Variants in SLC7A8 observed in about 807,000 individuals in gnomAD.
SLC7A8 encodes the protein large neutral amino acids transporter small subunit 2.
In SLC7A8, 30 loss-of-function variants were observed where a neutral mutation model predicts 51.2. The observed-to-expected ratio is 0.59, with a 90% CI of 0.44 to 0.80. The LOEUF (loss-of-function observed/expected upper bound fraction) is 0.80, where lower values mean the gene tolerates loss of function less well. Among genes scored for constraint, SLC7A8 ranks in the 30% least tolerant of loss-of-function variants. SLC7A8 has a pLI of 0.00. For missense variants in SLC7A8, 612 were observed against 674.4 expected (o/e 0.91, Z 1.03); for synonymous variants, 257 against 275.8 (o/e 0.93, Z 0.67).
In SLC7A8 at chr14:23,128,276, T is replaced by C; in HGVS notation, c.1264-80A>G. 2.5e-6 allele frequency: 4 copies of C among 1,579,342 alleles called. No homozygotes were observed. The highest frequency in any genetic ancestry group is 3.4e-6 in the Non-Finnish European group (4 of 1,163,144). ...ACTAGGGACTGGGGCATTCTCTCTC[T>C]TCTTCACCCACAGAGACACATCCTC... On this transcript the variant is annotated intron_variant, in intron 9 of 10. Coordinates refer to ENST00000316902, the MANE Select transcript of SLC7A8 (RefSeq NM_012244.4). The surrounding 1 kb of genome is among the most constrained non-coding windows in gnomAD (Gnocchi z 4.3).
intron 3 of SLC7A8, among the ~76,000 whole-genome samples, chr14:23,150,646 A>G (rs1228776151): frequency 6.6e-6 from 1 of 152,198 alleles, no homozygotes; most frequent in African/African-American, 2.4e-5. Context: ...AAAATGTTAA[A>G]TGATTATTTT....
In SLC7A8 at chr14:23,165,954, G is replaced by A. The variant is rs956891168; in HGVS notation, c.356+382C>T. Among the ~76,000 whole-genome samples, 2 of 152,176 alleles carry A rather than the reference G, an allele frequency of 1.3e-5. No individual in the cohort carries two copies. Among genetic ancestry groups the A allele is most frequent in the African/African-American group, 4.8e-5 (2 of 41,424 alleles). ...GCCATTATCCTTGGTAGTGTGAGAA[G>A]AGGGTGCACTCTACCTTAGCTGGCC... On this transcript the variant is annotated intron_variant, in intron 2 of 10. Coordinates refer to ENST00000316902, the MANE Select transcript of SLC7A8 (RefSeq NM_012244.4). This position sits in a 1 kb window ranked among gnomAD's most constrained non-coding sequence, Gnocchi z 4.2.
chr14:23,182,589 A>G (rs1200299604), intron 1 of SLC7A8, among the ~76,000 whole-genome samples, 175 bp downstream of exon 1: 1 of 152,214 alleles, frequency 6.6e-6, no homozygotes. Flanking sequence ...GAAGAGATGT[A>G]TGATGTATTT....
rs1011136800 is a variant in SLC7A8 at position 23,182,882 on chromosome 14, G to C, written c.33C>G (p.Thr11=). 1 of 1,613,928 alleles carries C rather than the reference G, an allele frequency of 6.2e-7. No individual in the cohort carries two copies. The highest frequency in any genetic ancestry group is 8.5e-7 in the Non-Finnish European group (1 of 1,179,994). MEEGARHRNN[T]EKKHPGGGES... Reference sequence around the variant, plus strand: ...CGCCCCCACCTGGGTGTTTCTTTTCGGTGTTGTTTCGGTGCCTGGCTCCTT... The same window carrying C: ...CGCCCCCACCTGGGTGTTTCTTTTCCGTGTTGTTTCGGTGCCTGGCTCCTT... Residue 11 remains threonine, a synonymous_variant, in exon 1 of 11, where the codon ACC becomes ACG. Coordinates refer to ENST00000316902, the MANE Select transcript of SLC7A8 (RefSeq NM_012244.4).
intron 1 of SLC7A8, among the ~76,000 whole-genome samples, chr14:23,178,589 A>T (rs1209266550): frequency 6.6e-6 from 1 of 151,952 alleles, no homozygotes; most frequent in East Asian, 1.9e-4. Context: ...AAAGATTCAG[A>T]AACATATAAG....
intron 3 of SLC7A8, among the ~76,000 whole-genome samples, chr14:23,143,479 G>C (rs1017026377): frequency 5.9e-5 from 9 of 152,228 alleles, no homozygotes; most frequent in Admixed American, 5.2e-4. Context: ...CTGGCTTTGG[G>C]GGTAAAATCA....
At chr14:23,179,928 T>G (rs952686549) in intron 1 of SLC7A8, among the ~76,000 whole-genome samples, 7 of 147,762 alleles carry the variant, frequency 4.7e-5, no homozygotes, top group African/African-American at 1.8e-4. Context: ...TTTTTTGAGA[T>G]GGAGTCTCAC....
At chr14:23,179,363 T>C (rs1185259920) in intron 1 of SLC7A8, among the ~76,000 whole-genome samples, 3 of 152,218 alleles carry the variant, frequency 2.0e-5, no homozygotes, top group Non-Finnish European at 4.4e-5. Flanking sequence ...CCATAACACC[T>C]ACCATTCTGT....
intron 6 of SLC7A8, 62 bp from the exon 7 acceptor site, chr14:23,138,086 C>T: frequency 6.3e-7 from 1 of 1,585,940 alleles, no homozygotes; most frequent in South Asian, 1.1e-5. Context: ...CCCTCAGCTC[C>T]CACTTCACTC....
Position 23,139,209 on chromosome 14 carries a change from G to A in SLC7A8, c.912+215C>T, listed in dbSNP as rs377078837. ...GTCTCTGTGGCAATGACTCGGTTCT[G>A]CCATTGTAGCTGTTCTAGGTACAAC... On this transcript the variant is annotated intron_variant, in intron 6 of 10. Transcript: ENST00000316902. Among the ~76,000 whole-genome samples, 3 of 152,134 alleles carry A rather than the reference G, an allele frequency of 2.0e-5. No homozygotes were observed. The East Asian group carries it at 5.8e-4, about 29-fold the overall frequency.
intron 1 of SLC7A8, among the ~76,000 whole-genome samples, chr14:23,170,215 A>T (rs910684421): frequency 2.0e-5 from 3 of 152,218 alleles, no homozygotes; most frequent in Non-Finnish European, 2.9e-5. Context: ...ATAAGTAGCA[A>T]GGCCTGGATG....
At chr14:23,153,606 C>T (rs1472697555) in intron 3 of SLC7A8, among the ~76,000 whole-genome samples, 1 of 152,174 alleles carries the variant, frequency 6.6e-6, no homozygotes, top group East Asian at 1.9e-4. Context: ...AGTTATGCCT[C>T]AGAAACCAAG....
rs1238825334 is a variant in SLC7A8, at chr14:23,131,000, TTAACAC to T, written c.1113+455_1113+460del. Among the ~76,000 whole-genome samples the T allele has an allele frequency of 9.2e-5, 14 of 152,334 alleles. No homozygotes were observed. In the East Asian group the frequency reaches 2.5e-3, roughly 27 times the overall value. Reference sequence around the variant, plus strand: ...ATTATTTTTCGTATTTGGTGTACTGTTAACACTAACTTCATTTCAATGATGTTTCCC... The same window carrying T: ...ATTATTTTTCGTATTTGGTGTACTGTTAACTTCATTTCAATGATGTTTCCC... On this transcript the variant is annotated intron_variant, in intron 8 of 10. Coordinates refer to ENST00000316902, the MANE Select transcript of SLC7A8 (RefSeq NM_012244.4).
chr14:23,127,924 G>T, intron 10 of SLC7A8, 95 bp downstream of exon 10: 1 of 1,090,738 alleles, frequency 9.2e-7, no homozygotes. Flanking sequence ...GGTGAGCCTA[G>T]ATCTCCTGGC....
In SLC7A8 at chr14:23,127,029, A is replaced by ATT; in HGVS notation, c.*146_*147dup. ...GTATGAATGTCAGTTTTTGTTTACA[A>ATT]TTTCTCACCACCCACACCAAAGTCC... On this transcript the variant is annotated 3_prime_UTR_variant, in exon 11 of 11. Transcript: ENST00000316902. 3.1e-6 allele frequency: 3 copies of ATT among 980,532 alleles called. No homozygotes were observed. Among genetic ancestry groups the ATT allele is most frequent in the Non-Finnish European group, 4.5e-6 (3 of 667,690 alleles). 60.7% of individuals were successfully genotyped at this position (980,532 alleles called of 1,614,324 possible).
In SLC7A8 at chr14:23,140,509, A is replaced by G; in HGVS notation, c.750T>C (p.Phe250=). 2 of 1,613,774 alleles carry G rather than the reference A, an allele frequency of 1.2e-6. No homozygotes were observed. The highest frequency in any genetic ancestry group is 1.7e-6 in the Non-Finnish European group (2 of 1,179,666). ...CAAGCTCCTCAGTCACGTAATTCAG[A>G]AAGTTCCAGCCTCCATAGGCAAAGG... ...QGSFAYGGWN[F]LNYVTEELVD... The change falls in exon 5 of 11, where the codon TTT becomes TTC. Residue 250 remains phenylalanine, a synonymous_variant. Transcript: ENST00000316902.
At chr14:23,132,323 CAG>C (rs2048644713) in intron 7 of SLC7A8, among the ~76,000 whole-genome samples, 2 of 151,962 alleles carry the variant, frequency 1.3e-5, no homozygotes, top group South Asian at 4.2e-4. Context: ...TTGTCCTAGT[CAG>C]AGAGTAGTTA....
chr14:23,166,207 C>CA (rs1367982004), intron 2 of SLC7A8, 129 bp downstream of exon 2: 9 of 907,822 alleles, frequency 9.9e-6, no homozygotes, highest in Non-Finnish European at 1.5e-5. Flanking sequence ...AGAGACATTC[C>CA]ATTCACTAGC....
chr14:23,183,040 T>TA lies in SLC7A8; in HGVS notation c.-127dup. 1 of 1,011,426 alleles carries TA rather than the reference T, an allele frequency of 9.9e-7. No homozygotes were observed. The highest frequency in any genetic ancestry group is 1.4e-6 in the Non-Finnish European group (1 of 726,206). 62.7% of individuals were successfully genotyped at this position (1,011,426 alleles called of 1,614,324 possible). A position where few individuals can be genotyped will look rare whatever the true frequency, so the allele number is the denominator to read the frequency against. On this transcript the variant is annotated 5_prime_UTR_variant, in exon 1 of 11. The change creates a premature stop within an existing upstream ORF in the 5' untranslated region. Transcript: ENST00000316902. ...CGAAATAGGAACCACTGCTACTCTC[T>TA]AAAAAAGGCAAGCAGATAAAAGAGA...
Sources: gnomAD v4.1 joint callset for allele counts (sites outside exome capture counted in the v4.1 genomes callset) on GRCh38, gnomAD v4.1.1 for gene constraint, Gnocchi (gnomAD v3.1) non-coding constraint, MANE v1.5 for transcripts, NCBI Gene and HGNC (gene_info 2026-07-23, HGNC 2026-07-21) for gene names.